Variants in CES5A observed in about 807,000 individuals in gnomAD.
CES5A encodes carboxylesterase 5A.
Under a neutral mutation model 62.9 loss-of-function variants are expected in CES5A, and 67 were observed. The observed-to-expected ratio is 1.07, with a 90% confidence interval of 0.88 to 1.31. The LOEUF is 1.31. CES5A is among the 50% of genes most tolerant of loss of function. The probability of loss-of-function intolerance (pLI) is 0.00; values close to 1 mark genes in which losing one functional copy is unlikely to be tolerated. For missense variants in CES5A, 748 were observed against 708.5 expected, an observed-to-expected ratio of 1.06 and a Z score of -0.63; for synonymous variants, 296 against 280.8, an observed-to-expected ratio of 1.05 and a Z score of -0.54.
intron 11 of CES5A, 146 bp from the exon 12 acceptor site, chr16:55,846,986 C>G: frequency 1.4e-6 from 1 of 726,108 alleles, no homozygotes; most frequent in Non-Finnish European, 2.4e-6. Context: ...TTTATACATG[C>G]AGATACTGAG....
At chr16:55,873,024 A>T (rs796112383) in intron 2 of CES5A, among the ~76,000 whole-genome samples, 16 of 152,080 alleles carry the variant, frequency 1.1e-4, no homozygotes, top group African/African-American at 2.4e-5. Context: ...CAGTCCTTGG[A>T]CCACATGGGG....
chr16:55,924,160 G>A (rs1384743624), intron 1 of CES5A, among the ~76,000 whole-genome samples: 6 of 151,710 alleles, frequency 4.0e-5, no homozygotes, highest in African/African-American at 7.2e-5. Flanking sequence ...CTTATACTCA[G>A]GAAAACCTAA....
intron 11 of CES5A, among the ~76,000 whole-genome samples, chr16:55,848,979 C>T (rs1360419044): frequency 6.6e-6 from 1 of 152,162 alleles, no homozygotes; most frequent in Non-Finnish European, 1.5e-5. Flanking sequence ...AACGTTCTGT[C>T]CTCTTTGTCA....
At chr16:55,860,650 A>G (rs112945098) in intron 7 of CES5A, among the ~76,000 whole-genome samples, 1 of 152,198 alleles carries the variant, frequency 6.6e-6, no homozygotes, top group South Asian at 2.1e-4. Context: ...TTTGGGTCTC[A>G]GAAAGCAACA....
chr16:55,914,814 G>A (rs1022515672), intron 1 of CES5A, among the ~76,000 whole-genome samples: 4 of 152,102 alleles, frequency 2.6e-5, no homozygotes, highest in Admixed American at 2.6e-4. Context: ...GGGAAACTGG[G>A]TGAAATCGGA....
At chr16:55,911,873 C>T (rs2034096814) in intron 1 of CES5A, among the ~76,000 whole-genome samples, 1 of 152,182 alleles carries the variant, frequency 6.6e-6, no homozygotes, top group Non-Finnish European at 1.5e-5. Context: ...AGCTCCTGCC[C>T]AGACCCAGAC....
intron 1 of CES5A, among the ~76,000 whole-genome samples, chr16:55,890,578 A>G (rs1440689577): frequency 6.6e-6 from 1 of 152,216 alleles, no homozygotes; most frequent in Non-Finnish European, 1.5e-5. Flanking sequence ...ATGAAAAAAT[A>G]AAAATTAAAT....
chr16:55,846,912 T>G (rs1393963505), intron 11 of CES5A, 72 bp from the exon 12 acceptor site: 5 of 1,272,146 alleles, frequency 3.9e-6, no homozygotes, highest in Non-Finnish European at 5.7e-6. Flanking sequence ...TTGTATTTGA[T>G]TAATCCTTTT....
intron 2 of CES5A, 60 bp downstream of exon 2, chr16:55,873,773 A>C: frequency 6.9e-7 from 1 of 1,447,688 alleles, no homozygotes; most frequent in African/African-American, 1.4e-5. Context: ...GGGCTGCATG[A>C]CCTGAATTCC....
chr16:55,869,473 A>C, intron 4 of CES5A, 138 bp downstream of exon 4: 1 of 1,348,250 alleles, frequency 7.4e-7, no homozygotes, highest in Non-Finnish European at 9.6e-7. Context: ...CAGCTGCAAA[A>C]ATTACCTAAG....
upstream of CES5A, among the ~76,000 whole-genome samples, chr16:55,878,932 CCTCCCACTGCACCCCAT>C (rs2033730406): frequency 6.8e-6 from 1 of 148,084 alleles, no homozygotes. Context: ...CATCACTGCA[CCTCCCACTGCACCCCAT>C]CACTGCACCC....
At chr16:55,942,936 T>C (rs6499808) in intron 2 of CES5A, among the ~76,000 whole-genome samples, 49,336 of 152,004 alleles carry the variant, frequency 0.32, 8,268 homozygotes, top group African/African-American at 0.37. Context: ...CGATTTTGTC[T>C]ATGTCAAGTT....
chr16:55,902,065 G>A (rs1567347442), intron 1 of CES5A, among the ~76,000 whole-genome samples: 1 of 152,142 alleles, frequency 6.6e-6, no homozygotes, highest in Non-Finnish European at 1.5e-5. Context: ...TTTTGACTGT[G>A]CATTTGGCTG....
chr16:55,908,985 T>C (rs747137192), intron 1 of CES5A, among the ~76,000 whole-genome samples: 13 of 152,238 alleles, frequency 8.5e-5, no homozygotes, highest in Admixed American at 4.6e-4. Context: ...AAGTTGTTCA[T>C]ATTTTCTCTA....
chr16:55,904,594 T>C (rs116782960), intron 1 of CES5A, among the ~76,000 whole-genome samples: 2,269 of 152,340 alleles, frequency 0.015, 68 homozygotes, highest in African/African-American at 0.051. Context: ...AAATATGTTA[T>C]ACTCGTTGTC....
At chr16:55,853,613 A>C (rs1168193038) in intron 9 of CES5A, among the ~76,000 whole-genome samples, 1 of 152,020 alleles carries the variant, frequency 6.6e-6, no homozygotes, top group Non-Finnish European at 1.5e-5. Flanking sequence ...GATGTGGAGG[A>C]TTATATGAGA....
At chr16:55,861,660 T>C (rs753820652) in intron 6 of CES5A, 144 bp from the exon 7 acceptor site, 1 of 672,786 alleles carries the variant, frequency 1.5e-6, no homozygotes, top group East Asian at 2.7e-5. Flanking sequence ...CCCACACCCC[T>C]ATAATTGAAG....
intron 1 of CES5A, among the ~76,000 whole-genome samples, chr16:55,892,366 C>G (rs1439618595): frequency 6.6e-6 from 1 of 152,112 alleles, no homozygotes; most frequent in African/African-American, 2.4e-5. Context: ...TGCATAAAAC[C>G]AAGCTGCACC....
At chr16:55,930,867 G>T (rs1376380561) in intron 2 of CES5A, among the ~76,000 whole-genome samples, 2 of 152,136 alleles carry the variant, frequency 1.3e-5, no homozygotes, top group African/African-American at 4.8e-5. Flanking sequence ...TTGAGAAGGG[G>T]AATGGAGGAG....
Sources: allele counts gnomAD v4.1 joint callset (sites outside exome capture counted in the v4.1 genomes callset), GRCh38; gene constraint gnomAD v4.1.1; transcripts MANE v1.5; gene names NCBI Gene and HGNC (gene_info 2026-07-23, HGNC 2026-07-21).